SNTG1: variants seen among roughly 807,000 people sequenced by gnomAD.
SNTG1 encodes syntrophin gamma 1.
SNTG1 carries 39 observed loss-of-function variants against 74.7 expected under a neutral mutation model. That is an observed-to-expected ratio of 0.52 (90% confidence interval 0.40 to 0.68). SNTG1 has a LOEUF of 0.68. SNTG1 is among the 30% of genes least tolerant of loss of function. SNTG1 has a pLI of 0.00. For missense variants in SNTG1, 685 were observed against 609.5 expected (o/e 1.12, Z -1.30); for synonymous variants, 254 against 217.1 (o/e 1.17, Z -1.49).
intron 1 of SNTG1, among the ~76,000 whole-genome samples, chr8:49,944,791 GAAAA>G (rs112235757): frequency 7.7e-6 from 1 of 129,142 alleles, no homozygotes; most frequent in Non-Finnish European, 1.7e-5. Flanking sequence ...TCACCTGCAA[GAAAA>G]AAAAAAAAAA....
intron 2 of SNTG1, among the ~76,000 whole-genome samples, chr8:50,365,262 G>T (rs2092076554): frequency 6.6e-6 from 1 of 152,050 alleles, no homozygotes; most frequent in Non-Finnish European, 1.5e-5. Flanking sequence ...ATTTTTGATG[G>T]TGTCATTGTA....
chr8:50,445,762 C>A (rs1225981254), intron 5 of SNTG1, among the ~76,000 whole-genome samples: 1 of 152,204 alleles, frequency 6.6e-6, no homozygotes, highest in Non-Finnish European at 1.5e-5. Flanking sequence ...GAGCCACAGT[C>A]CCGCCCAGGA....
chr8:50,160,743 C>T (rs1288982210), intron 1 of SNTG1, among the ~76,000 whole-genome samples: 1 of 152,156 alleles, frequency 6.6e-6, no homozygotes, highest in East Asian at 1.9e-4. Context: ...TGAAGTCATA[C>T]TCATACTTGT....
At chr8:50,214,372 A>C (rs1164342246) in intron 2 of SNTG1, among the ~76,000 whole-genome samples, 1 of 151,910 alleles carries the variant, frequency 6.6e-6, no homozygotes, top group East Asian at 1.9e-4. Flanking sequence ...ACTAACCTGC[A>C]CATTATGCAC....
chr8:50,473,977 T>C (rs1003375670), intron 8 of SNTG1, among the ~76,000 whole-genome samples: 1 of 152,024 alleles, frequency 6.6e-6, no homozygotes, highest in South Asian at 2.1e-4. Flanking sequence ...TTTTTTTTTT[T>C]CTTTTCCCCA....
intron 1 of SNTG1, among the ~76,000 whole-genome samples, chr8:50,060,938 T>G (rs1353963770): frequency 6.6e-6 from 1 of 152,174 alleles, no homozygotes; most frequent in Non-Finnish European, 1.5e-5. Context: ...CTTTATATAC[T>G]GTTGGATTCA....
At chr8:50,684,467 A>G (rs1179704707) in intron 15 of SNTG1, among the ~76,000 whole-genome samples, 5 of 152,158 alleles carry the variant, frequency 3.3e-5, no homozygotes, top group Non-Finnish European at 7.3e-5. Flanking sequence ...ATGCTAATTT[A>G]TGGTAGTAAA....
At chr8:50,703,567 TAGG>T (rs1457762415) in intron 15 of SNTG1, among the ~76,000 whole-genome samples, 8 of 152,032 alleles carry the variant, frequency 5.3e-5, no homozygotes, top group African/African-American at 1.2e-4. Flanking sequence ...ACTAAAAAAA[TAGG>T]AGTACAGTAA....
At chr8:50,759,141 A>G (rs1369819380) in intron 18 of SNTG1, among the ~76,000 whole-genome samples, 1 of 151,864 alleles carries the variant, frequency 6.6e-6, no homozygotes, top group Non-Finnish European at 1.5e-5. Flanking sequence ...TAGTTTGCCA[A>G]TTTTTGATGG....
chr8:49,909,844 A>G (rs1805493839), upstream of SNTG1: 1 of 152,278 alleles, frequency 6.6e-6, no homozygotes, highest in South Asian at 2.1e-4. Context: ...CCCCAGGGAA[A>G]TAAAGCCGTT....
chr8:50,754,160 T>C (rs2095574434), intron 18 of SNTG1, among the ~76,000 whole-genome samples: 1 of 151,952 alleles, frequency 6.6e-6, no homozygotes, highest in African/African-American at 2.4e-5. Context: ...GTAGTGTAGA[T>C]GTTCTTGTGT....
chr8:50,533,121 C>G (rs767780596), intron 10 of SNTG1, among the ~76,000 whole-genome samples: 1 of 152,162 alleles, frequency 6.6e-6, no homozygotes, highest in Non-Finnish European at 1.5e-5. Flanking sequence ...TTTTGCCAAC[C>G]AAGACCTTGG....
At chr8:50,427,573 A>C (rs551482166) in intron 4 of SNTG1, among the ~76,000 whole-genome samples, 2 of 152,098 alleles carry the variant, frequency 1.3e-5, no homozygotes, top group Non-Finnish European at 2.9e-5. Flanking sequence ...CTACAGGTGC[A>C]TACCACCATG....
chr8:50,016,480 C>T (rs950525786), intron 1 of SNTG1, among the ~76,000 whole-genome samples: 5 of 152,080 alleles, frequency 3.3e-5, no homozygotes, highest in Non-Finnish European at 5.9e-5. Flanking sequence ...TGATTGCTCT[C>T]ATTTAGTCAT....
chr8:50,002,756 C>A (rs1185640197), intron 1 of SNTG1, among the ~76,000 whole-genome samples: 1 of 151,680 alleles, frequency 6.6e-6, no homozygotes, highest in Non-Finnish European at 1.5e-5. Context: ...AAATATATAC[C>A]CAAGAAAAAT....
chr8:50,247,923 G>T (rs950767846), intron 2 of SNTG1, among the ~76,000 whole-genome samples: 1 of 152,078 alleles, frequency 6.6e-6, no homozygotes, highest in Non-Finnish European at 1.5e-5. Flanking sequence ...AGATCAAGTT[G>T]TTGGCAGGGT....
chr8:50,126,060 T>A (rs1586382843), intron 1 of SNTG1, among the ~76,000 whole-genome samples: 1 of 152,136 alleles, frequency 6.6e-6, no homozygotes. Flanking sequence ...CAATGGCTGG[T>A]TCTGCGGCAC....
At chr8:50,405,799 T>C (rs532286930) in intron 4 of SNTG1, among the ~76,000 whole-genome samples, 2 of 152,250 alleles carry the variant, frequency 1.3e-5, no homozygotes, top group East Asian at 1.9e-4. Context: ...TTGGTTATAT[T>C]TTAAGTTAAC....
rs1307063525 is a variant in SNTG1, at chr8:50,513,779, G to A, written c.466+10899G>A. On this transcript the variant is annotated intron_variant, in intron 9 of 18. Coordinates refer to ENST00000642720, the MANE Select transcript of SNTG1 (RefSeq NM_018967.5). ...ACCGTTGGAAAAGTGCAGTATTAGG[G>A]TGGGAGTGACCCAATTTTCCAGATG... Among the ~76,000 whole-genome samples, 6 of 152,358 alleles carry A rather than the reference G, an allele frequency of 3.9e-5. No individual in the cohort carries two copies. The East Asian group carries it at 1.2e-3, about 29-fold the overall frequency.
Sources: allele counts gnomAD v4.1 joint callset (sites outside exome capture counted in the v4.1 genomes callset), GRCh38; gene constraint gnomAD v4.1.1; transcripts MANE v1.5; gene names NCBI Gene and HGNC (gene_info 2026-07-23, HGNC 2026-07-21).